LYPLAL1: variants seen among roughly 807,000 people sequenced by gnomAD.
LYPLAL1 encodes lysophospholipase-like protein 1.
LYPLAL1 carries 23 observed loss-of-function variants against 19.7 expected under a neutral mutation model. That is an observed-to-expected ratio of 1.17 (90% CI 0.84 to 1.65). The LOEUF is 1.65. LYPLAL1 is among the 40% of genes most tolerant of loss of function. The probability of loss-of-function intolerance (pLI) is 0.00; values close to 1 mark genes in which losing one functional copy is unlikely to be tolerated. For synonymous variants in LYPLAL1, 119 were observed against 96.3 expected (o/e 1.24, Z -1.38); for missense variants, 355 against 279.4 (o/e 1.27, Z -1.93).
chr1:219,216,372 A>G (rs1207676856), downstream of LYPLAL1, among the ~76,000 whole-genome samples: 1 of 152,098 alleles, frequency 6.6e-6, no homozygotes, highest in Non-Finnish European at 1.5e-5. Context: ...AATATTCACA[A>G]GTTTTGTCAT....
At chr1:219,290,169 A>G in the LYPLAL1 span, among the ~76,000 whole-genome samples, 1 of 152,196 alleles carries the variant, frequency 6.6e-6, no homozygotes, top group South Asian at 2.1e-4. Flanking sequence ...CATGCTGCAA[A>G]TAAATAAGTA....
At chr1:219,297,375 C>G in the LYPLAL1 span, among the ~76,000 whole-genome samples, 2 of 152,150 alleles carry the variant, frequency 1.3e-5, no homozygotes, top group African/African-American at 4.8e-5. Context: ...CAGTTTTGCT[C>G]TGTTGAATGC....
chr1:219,326,277 G>A, the LYPLAL1 span, among the ~76,000 whole-genome samples: 1 of 140,866 alleles, frequency 7.1e-6, no homozygotes, highest in African/African-American at 2.6e-5. Context: ...TTGTTAGTTC[G>A]TGAGGGTTTT....
At chr1:219,431,906 A>G in the LYPLAL1 span, among the ~76,000 whole-genome samples, 1 of 152,190 alleles carries the variant, frequency 6.6e-6, no homozygotes, top group Non-Finnish European at 1.5e-5. Flanking sequence ...AAACTATACA[A>G]TAGGGTCAAT....
At chr1:219,348,765 A>C in the LYPLAL1 span, among the ~76,000 whole-genome samples, 1 of 152,180 alleles carries the variant, frequency 6.6e-6, no homozygotes, top group African/African-American at 2.4e-5. Flanking sequence ...ATATTTACAT[A>C]TTTTTTCAAC....
the LYPLAL1 span, among the ~76,000 whole-genome samples, chr1:219,229,329 G>GAGAC: frequency 8.8e-6 from 1 of 113,354 alleles, no homozygotes. Flanking sequence ...GAGAGAGAGA[G>GAGAC]AGAGAGAGAC....
the LYPLAL1 span, among the ~76,000 whole-genome samples, chr1:219,325,069 A>T: frequency 3.9e-5 from 6 of 152,316 alleles, no homozygotes; most frequent in East Asian, 1.2e-3. Flanking sequence ...TTTCAAAAAA[A>T]CATATGGGCC....
Position 219,210,700 on chromosome 1 carries a change from A to C in LYPLAL1, c.477+53A>C. 2.0e-6 allele frequency: 3 copies of C among 1,515,372 alleles called. No homozygotes were observed. In the East Asian group the frequency reaches 7.3e-5, roughly 37 times the overall value. 93.9% of individuals were successfully genotyped at this position (1,515,372 alleles called of 1,614,324 possible). A position where few individuals can be genotyped will look rare whatever the true frequency, so the allele number is the denominator to read the frequency against. On this transcript the variant is annotated intron_variant, in intron 4 of 4. Transcript: ENST00000366928. Reference sequence around the variant, plus strand: ...AAAAAATATGAAATATATACATGTTAAAACTAAAGCAAAATCGGTAATAAA... The same window carrying C: ...AAAAAATATGAAATATATACATGTTCAAACTAAAGCAAAATCGGTAATAAA...
chr1:219,341,679 A>T, the LYPLAL1 span, among the ~76,000 whole-genome samples: 1 of 152,050 alleles, frequency 6.6e-6, no homozygotes, highest in Non-Finnish European at 1.5e-5. Flanking sequence ...TAAAGAATAC[A>T]CTTATCATTT....
chr1:219,340,172 A>T, the LYPLAL1 span, among the ~76,000 whole-genome samples: 2 of 152,088 alleles, frequency 1.3e-5, no homozygotes. Flanking sequence ...TAATACTTAT[A>T]ACCAATTACT....
At chr1:219,441,694 A>G in the LYPLAL1 span, among the ~76,000 whole-genome samples, 1 of 152,196 alleles carries the variant, frequency 6.6e-6, no homozygotes, top group African/African-American at 2.4e-5. Flanking sequence ...ACCACTAACC[A>G]TCATTGGAGT....
chr1:219,192,032 A>G (rs1657225261), intron 2 of LYPLAL1, among the ~76,000 whole-genome samples: 1 of 151,276 alleles, frequency 6.6e-6, no homozygotes, highest in South Asian at 2.1e-4. Flanking sequence ...ATGTCCATTT[A>G]TTTTGGGGTG....
At chr1:219,361,628 A>C in the LYPLAL1 span, among the ~76,000 whole-genome samples, 1 of 152,118 alleles carries the variant, frequency 6.6e-6, no homozygotes, top group African/African-American at 2.4e-5. Flanking sequence ...AGAAAGGTTG[A>C]TCCGATGTCC....
chr1:219,436,692 A>G, the LYPLAL1 span, among the ~76,000 whole-genome samples: 3 of 152,198 alleles, frequency 2.0e-5, no homozygotes, highest in Non-Finnish European at 4.4e-5. Context: ...ACCATTTCAT[A>G]ATAAACATGT....
the LYPLAL1 span, among the ~76,000 whole-genome samples, chr1:219,357,747 A>G: frequency 6.6e-6 from 1 of 152,212 alleles, no homozygotes; most frequent in African/African-American, 2.4e-5. Flanking sequence ...TCTGAATGCA[A>G]ATGTTCATAA....
At chr1:219,179,447 C>T in intron 2 of LYPLAL1, 1 of 513,772 alleles carries the variant, frequency 1.9e-6, no homozygotes, top group Non-Finnish European at 3.4e-6. Flanking sequence ...TATTCCCTTT[C>T]TGTAAAGCAT....
At chr1:219,292,388 G>A in the LYPLAL1 span, among the ~76,000 whole-genome samples, 1 of 152,194 alleles carries the variant, frequency 6.6e-6, no homozygotes, top group African/African-American at 2.4e-5. Context: ...GGAACAAATA[G>A]GAATTGCTGA....
chr1:219,313,076 G>A, the LYPLAL1 span, among the ~76,000 whole-genome samples: 2 of 152,096 alleles, frequency 1.3e-5, no homozygotes, highest in Non-Finnish European at 2.9e-5. Context: ...TAAGTTTTTG[G>A]AAGGCAGATC....
chr1:219,334,649 A>G, the LYPLAL1 span, among the ~76,000 whole-genome samples: 1 of 151,742 alleles, frequency 6.6e-6, no homozygotes, highest in Non-Finnish European at 1.5e-5. Flanking sequence ...ATTTGTATCT[A>G]TTTTATCCGG....
Sources: gnomAD v4.1 joint callset for allele counts (sites outside exome capture counted in the v4.1 genomes callset) on GRCh38, gnomAD v4.1.1 for gene constraint, MANE v1.5 for transcripts, NCBI Gene and HGNC (gene_info 2026-07-23, HGNC 2026-07-21) for gene names.